The following ENOX1 variants were observed in gnomAD, a reference collection of about 807,000 sequenced individuals.
The protein encoded by ENOX1 is candidate growth-related and time keeping constitutive hydroquinone (NADH) oxidase.
ENOX1 carries 42 observed loss-of-function variants against 82.5 expected under a neutral mutation model. That is an observed-to-expected ratio of 0.51 (90% CI 0.40 to 0.66). ENOX1 has a LOEUF of 0.66. ENOX1 is among the 30% of genes least tolerant of loss of function. The pLI is 0.00. For synonymous variants in ENOX1, 271 were observed against 282.2 expected, an observed-to-expected ratio of 0.96 and a Z score of 0.40; for missense variants, 608 against 811.6, an observed-to-expected ratio of 0.75 and a Z score of 3.05.
intron 14 of ENOX1, among the ~76,000 whole-genome samples, chr13:43,247,858 TATATATATATATATATATATATATA>T (rs1566329315): frequency 0.035 from 134 of 3,800 alleles, 4 homozygotes; most frequent in East Asian, 0.048. Context: ...TATATATATA[TATATATATATATATATATATATATA>T]TTTTTTTTTT....
intron 2 of ENOX1, among the ~76,000 whole-genome samples, chr13:43,621,416 T>A (rs957870756): frequency 2.6e-5 from 4 of 152,174 alleles, no homozygotes; most frequent in African/African-American, 9.7e-5. Context: ...GATTTAGAGG[T>A]CCTTTTAGCA....
At chr13:43,674,546 A>G (rs973701757) in intron 1 of ENOX1, among the ~76,000 whole-genome samples, 1 of 152,060 alleles carries the variant, frequency 6.6e-6, no homozygotes, top group East Asian at 1.9e-4. Flanking sequence ...CTATGGAGAC[A>G]GTGAAAATAT....
chr13:43,728,108 TTA>T (rs1471145844), intron 1 of ENOX1, among the ~76,000 whole-genome samples: 2 of 152,234 alleles, frequency 1.3e-5, no homozygotes, highest in Non-Finnish European at 1.5e-5. Context: ...TCTTTTCTTT[TTA>T]TCTTTCTTTT....
At chr13:43,537,280 A>C (rs1207286795) in intron 2 of ENOX1, among the ~76,000 whole-genome samples, 3 of 152,142 alleles carry the variant, frequency 2.0e-5, no homozygotes, top group African/African-American at 7.2e-5. Context: ...TATCAGTTGA[A>C]GTCACAACTC....
At chr13:43,769,017 A>G (rs936356990) in intron 1 of ENOX1, among the ~76,000 whole-genome samples, 15 of 152,208 alleles carry the variant, frequency 9.9e-5, no homozygotes, top group Non-Finnish European at 1.9e-4. Flanking sequence ...GTTAATTTCT[A>G]TTTGAGGAGA....
At chr13:43,571,682 C>T (rs1237520875) in intron 2 of ENOX1, among the ~76,000 whole-genome samples, 1 of 152,104 alleles carries the variant, frequency 6.6e-6, no homozygotes. Flanking sequence ...AAGAATGAAA[C>T]TCTGTCTCAA....
At chr13:43,230,935 C>A (rs1479261671) in intron 15 of ENOX1, among the ~76,000 whole-genome samples, 1 of 152,170 alleles carries the variant, frequency 6.6e-6, no homozygotes, top group Non-Finnish European at 1.5e-5. Context: ...ATATACTCCC[C>A]ACTACCCCCA....
intron 3 of ENOX1, among the ~76,000 whole-genome samples, chr13:43,435,984 A>G (rs2056005077): frequency 6.6e-6 from 1 of 151,704 alleles, no homozygotes; most frequent in South Asian, 2.1e-4. Flanking sequence ...GAAAGTGCGC[A>G]GGCAGCTCAG....
intron 3 of ENOX1, among the ~76,000 whole-genome samples, chr13:43,473,542 A>C (rs2058158341): frequency 6.6e-6 from 1 of 152,202 alleles, no homozygotes; most frequent in Admixed American, 6.5e-5. Flanking sequence ...TTAGGAAAGA[A>C]CTTCAAAAAT....
chr13:43,437,935 C>T (rs911160187), intron 3 of ENOX1, among the ~76,000 whole-genome samples: 1 of 152,032 alleles, frequency 6.6e-6, no homozygotes, highest in African/African-American at 2.4e-5. Flanking sequence ...TAGATTTTCT[C>T]CAAGGTTAAA....
intron 8 of ENOX1, among the ~76,000 whole-genome samples, chr13:43,348,563 T>C (rs999814376): frequency 6.6e-6 from 1 of 152,230 alleles, no homozygotes; most frequent in Non-Finnish European, 1.5e-5. Context: ...ACATTTTAAA[T>C]TGCACACTGT....
At chr13:43,674,676 G>A (rs549497563) in intron 1 of ENOX1, among the ~76,000 whole-genome samples, 87 of 152,084 alleles carry the variant, frequency 5.7e-4, no homozygotes, top group Non-Finnish European at 1.1e-3. Flanking sequence ...GTCATTATAC[G>A]TTTATCCAAA....
intron 5 of ENOX1, among the ~76,000 whole-genome samples, chr13:43,391,200 C>T (rs560598520): frequency 2.6e-4 from 39 of 152,084 alleles, no homozygotes; most frequent in Admixed American, 5.9e-4. Context: ...ACTTGGATCC[C>T]GTAACGTTGC....
intron 9 of ENOX1, among the ~76,000 whole-genome samples, chr13:43,335,618 T>C (rs2153537579): frequency 6.6e-6 from 1 of 152,240 alleles, no homozygotes; most frequent in East Asian, 1.9e-4. Flanking sequence ...TTTGCTGAAT[T>C]TCACTTAATA....
Position 43,525,103 on chromosome 13 carries a change from G to T in ENOX1, c.-218-40951C>A, listed in dbSNP as rs1473876747. On this transcript the variant is annotated intron_variant, in intron 2 of 16. Coordinates refer to ENST00000690772, the MANE Select transcript of ENOX1 (RefSeq NM_001347969.2). ...ATATTTTTAAATTTTTTAAATTGTGGTAAAACACACTTAACAAAATTTACC... is the reference window on the plus strand; with the variant it reads ...ATATTTTTAAATTTTTTAAATTGTGTTAAAACACACTTAACAAAATTTACC... Among the ~76,000 whole-genome samples, 3 of 151,684 alleles carry T rather than the reference G, an allele frequency of 2.0e-5. No individual in the cohort carries two copies. The East Asian group carries it at 5.8e-4, about 29-fold the overall frequency.
At chr13:43,358,680 C>A (rs944465336) in intron 7 of ENOX1, among the ~76,000 whole-genome samples, 1 of 152,124 alleles carries the variant, frequency 6.6e-6, no homozygotes, top group Non-Finnish European at 1.5e-5. Flanking sequence ...TGATTTATTC[C>A]TCCTCACAGT....
chr13:43,519,744 C>T (rs1004821274), intron 2 of ENOX1, among the ~76,000 whole-genome samples: 2 of 152,146 alleles, frequency 1.3e-5, no homozygotes, highest in Non-Finnish European at 2.9e-5. Context: ...GTCCAAGGAA[C>T]TCTGAATCCC....
intron 3 of ENOX1, among the ~76,000 whole-genome samples, chr13:43,451,878 G>C (rs893361307): frequency 3.3e-5 from 5 of 152,142 alleles, no homozygotes; most frequent in Non-Finnish European, 7.4e-5. Flanking sequence ...CCAGTATGAA[G>C]ATAGATCACA....
At chr13:43,651,619 C>T (rs577365622) in intron 2 of ENOX1, among the ~76,000 whole-genome samples, 3 of 150,146 alleles carry the variant, frequency 2.0e-5, no homozygotes, top group Middle Eastern at 6.9e-3. Context: ...ATCGCTTGGA[C>T]CCAGGATGCG....
Sources: gnomAD v4.1 joint callset for allele counts (sites outside exome capture counted in the v4.1 genomes callset) on GRCh38, gnomAD v4.1.1 for gene constraint, MANE v1.5 for transcripts, NCBI Gene and HGNC (gene_info 2026-07-23, HGNC 2026-07-21) for gene names.